ZNF423: variants seen among roughly 807,000 people sequenced by gnomAD.
ZNF423 encodes Ebf-associated zinc finger protein.
In ZNF423, 12 loss-of-function variants were observed where a neutral mutation model predicts 95.8. That is an observed-to-expected ratio of 0.13 (90% CI 0.08 to 0.20). The LOEUF is 0.20. Ranked by LOEUF, ZNF423 falls within the 10% of genes least tolerant of loss-of-function variation. The probability of loss-of-function intolerance (pLI) is 1.00; values close to 1 mark genes in which losing one functional copy is unlikely to be tolerated. For synonymous variants in ZNF423, 749 were observed against 711.9 expected, an observed-to-expected ratio of 1.05 and a Z score of -0.83; for missense variants, 1,316 against 1,737.1, an observed-to-expected ratio of 0.76 and a Z score of 4.31.
intron 1 of ZNF423, among the ~76,000 whole-genome samples, chr16:49,835,893 G>A (rs1166026636): frequency 6.6e-6 from 1 of 152,218 alleles, no homozygotes; most frequent in Non-Finnish European, 1.5e-5. Flanking sequence ...TCCAACTTAA[G>A]CCCCGGGGAA....
chr16:49,674,103 G>A (rs1427661065), intron 3 of ZNF423, among the ~76,000 whole-genome samples: 1 of 152,226 alleles, frequency 6.6e-6, no homozygotes, highest in Non-Finnish European at 1.5e-5. Context: ...GTGAAAAATA[G>A]GCAGGTGGAA....
At chr16:49,577,608 G>C (rs1970538523) in intron 5 of ZNF423, among the ~76,000 whole-genome samples, 1 of 152,192 alleles carries the variant, frequency 6.6e-6, no homozygotes, top group African/African-American at 2.4e-5. Context: ...CAGTCCAGCA[G>C]CCGCTCAACT....
chr16:49,730,524 C>G lies in ZNF423; in HGVS notation c.301+247G>C, dbSNP rs960089713. On this transcript the variant is annotated intron_variant, in intron 3 of 7. Coordinates refer to ENST00000563137, the MANE Select transcript of ZNF423 (RefSeq NM_001379286.1). ...CATTCATGGCCTGAGTACCAGAGCA[C>G]AGCTTGCGGGGAGAGGGGGCCGGGA... 7.2e-6 allele frequency: 4 copies of G among 553,756 alleles called. No homozygotes were observed. The Admixed American group carries it at 1.2e-4, about 17-fold the overall frequency. The allele number at this position is 553,756 out of a possible 1,614,324, so 34.3% of individuals were successfully genotyped here. A position where few individuals can be genotyped will look rare whatever the true frequency, so the allele number is the denominator to read the frequency against.
At chr16:49,564,411 T>A (rs1388126800) in intron 5 of ZNF423, among the ~76,000 whole-genome samples, 1 of 152,044 alleles carries the variant, frequency 6.6e-6, no homozygotes, top group Non-Finnish European at 1.5e-5. Context: ...TCTGTGACAA[T>A]GGGAAGGAAC....
At chr16:49,664,354 G>A in intron 3 of ZNF423, 1 of 925,890 alleles carries the variant, frequency 1.1e-6, no homozygotes, top group Middle Eastern at 5.5e-4. Flanking sequence ...GGGCCTTGGG[G>A]AAGAAAAGGG....
At chr16:49,711,705 C>T (rs531284224) in intron 3 of ZNF423, 2 of 152,210 alleles carry the variant, frequency 1.3e-5, no homozygotes, top group Admixed American at 6.5e-5. Flanking sequence ...TACAGTATTA[C>T]GTAAAGGTGT....
At chr16:49,808,863 C>T (rs914917111) in intron 1 of ZNF423, among the ~76,000 whole-genome samples, 2 of 152,184 alleles carry the variant, frequency 1.3e-5, no homozygotes, top group Non-Finnish European at 2.9e-5. Context: ...CCTACGCACA[C>T]CAGACAGGGC....
At chr16:49,597,399 G>A (rs953276957) in intron 5 of ZNF423, among the ~76,000 whole-genome samples, 4 of 152,158 alleles carry the variant, frequency 2.6e-5, no homozygotes, top group African/African-American at 9.7e-5. Context: ...TTAAGGTTTA[G>A]TACGATAAAA....
intron 5 of ZNF423, among the ~76,000 whole-genome samples, chr16:49,589,095 A>G (rs866119581): frequency 4.3e-4 from 66 of 152,314 alleles, no homozygotes; most frequent in African/African-American, 1.6e-3. Flanking sequence ...AGAAACAAAG[A>G]CAACAGCCAC....
chr16:49,579,223 C>T (rs1434134247), intron 5 of ZNF423, among the ~76,000 whole-genome samples: 2 of 150,548 alleles, frequency 1.3e-5, no homozygotes, highest in East Asian at 3.9e-4. Flanking sequence ...CCCCCCACCC[C>T]CACCCACTGC....
intron 1 of ZNF423, among the ~76,000 whole-genome samples, chr16:49,851,887 G>A (rs1249441961): frequency 2.0e-5 from 3 of 152,160 alleles, no homozygotes; most frequent in East Asian, 1.9e-4. Flanking sequence ...TAACTTAATT[G>A]AGGAGGGGGG....
At chr16:49,541,163 C>T (rs1969232480) in intron 5 of ZNF423, among the ~76,000 whole-genome samples, 1 of 152,294 alleles carries the variant, frequency 6.6e-6, no homozygotes, top group South Asian at 2.1e-4. Flanking sequence ...GAAGGATGGA[C>T]CACCATCTCT....
rs1064794776 is a variant in ZNF423, at chr16:49,638,787, C to G, written c.389G>C (p.Gly130Ala). ...VASPTQMIGD[G>A]CDLGLGEEEG... Reference sequence around the variant, plus strand: ...CTCCTCGCCGAGGCCGAGGTCACAACCATCTCCGATCATCTGCGTGGGTGA... The same window carrying G: ...CTCCTCGCCGAGGCCGAGGTCACAAGCATCTCCGATCATCTGCGTGGGTGA... The change falls in exon 4 of 8, where the codon GGT (glycine) becomes GCT (alanine). Residue 130 changes from glycine to alanine, a missense_variant. This residue lies in a region of ZNF423 where 155 missense variants were observed against 170.8 expected (regional missense o/e 0.91). Coordinates refer to ENST00000563137, the MANE Select transcript of ZNF423 (RefSeq NM_001379286.1). The surrounding 1 kb of genome is among the most constrained non-coding windows in gnomAD (Gnocchi z 5.6). 6.2e-7 allele frequency: 1 copy of G among 1,614,148 alleles called. No homozygotes were observed. Among genetic ancestry groups the G allele is most frequent in the East Asian group, 2.2e-5 (1 of 44,878 alleles).
intron 3 of ZNF423, among the ~76,000 whole-genome samples, chr16:49,677,321 G>GA: frequency 2.1e-5 from 1 of 48,348 alleles, no homozygotes; most frequent in Non-Finnish European, 4.1e-5. Context: ...AGGAGGGGAA[G>GA]GGAGGGGAGG....
chr16:49,781,746 C>T (rs892040096), intron 2 of ZNF423, among the ~76,000 whole-genome samples: 1 of 152,214 alleles, frequency 6.6e-6, no homozygotes, highest in Non-Finnish European at 1.5e-5. Context: ...GGGGATGAGG[C>T]TGTCGCCTTG....
In ZNF423 at chr16:49,855,130, GGGCAGGGGCGGGAGGGGGCGCCAGGC is replaced by G; in HGVS notation, c.40+579_40+604del. The G allele has an allele frequency of 2.4e-6, 2 of 828,404 alleles. No individual in the cohort carries two copies. Among genetic ancestry groups the G allele is most frequent in the Non-Finnish European group, 2.9e-6 (2 of 687,800 alleles). 51.3% of individuals were successfully genotyped at this position (828,404 alleles called of 1,614,324 possible). On this transcript the variant is annotated intron_variant, in intron 1 of 7. Coordinates refer to ENST00000563137, the MANE Select transcript of ZNF423 (RefSeq NM_001379286.1). This position sits in a 1 kb window ranked among gnomAD's most constrained non-coding sequence, Gnocchi z 4.7. ...AGGGGCCCGGGCCGGGAGAAGGCCT[GGGCAGGGGCGGGAGGGGGCGCCAGGC>G]GGCCGGGGCGAGGGCGCGGCGCCCG...
At chr16:49,545,439 G>A (rs905294111) in intron 5 of ZNF423, among the ~76,000 whole-genome samples, 1 of 152,056 alleles carries the variant, frequency 6.6e-6, no homozygotes, top group African/African-American at 2.4e-5. Flanking sequence ...CTGGGCCTTG[G>A]CTGCCACATG....
At chr16:49,801,160 G>A (rs146260014) in intron 1 of ZNF423, among the ~76,000 whole-genome samples, 11 of 152,272 alleles carry the variant, frequency 7.2e-5, no homozygotes, top group East Asian at 1.9e-4. Flanking sequence ...TGGCAGCCCC[G>A]GGGGACTGAG....
intron 3 of ZNF423, chr16:49,664,280 T>C (rs1263589778): frequency 8.1e-6 from 8 of 985,356 alleles, no homozygotes; most frequent in Non-Finnish European, 8.4e-6. Flanking sequence ...CGGAGAAGGA[T>C]GGGCCGAGGG....
Sources: gnomAD v4.1 joint callset for allele counts (sites outside exome capture counted in the v4.1 genomes callset) on GRCh38, gnomAD v4.1.1 for gene constraint, gnomAD v4.1.1 regional missense constraint, Gnocchi (gnomAD v3.1) non-coding constraint, MANE v1.5 for transcripts, NCBI Gene and HGNC (gene_info 2026-07-23, HGNC 2026-07-21) for gene names.